The following GNAL variants were observed in gnomAD, a reference collection of about 807,000 sequenced individuals.
The protein encoded by GNAL is guanine nucleotide-binding protein G(olf) subunit alpha.
A neutral mutation model predicts 55.1 loss-of-function variants in GNAL; 18 were observed. The observed-to-expected ratio is 0.33, with a 90% CI of 0.23 to 0.48. The LOEUF (loss-of-function observed/expected upper bound fraction) is 0.48, where lower values mean the gene tolerates loss of function less well. GNAL is among the 20% of genes least tolerant of loss of function. The pLI, the probability that GNAL is intolerant of heterozygous loss-of-function variation, is 0.99. For missense variants in GNAL, 412 were observed against 614.1 expected, an observed-to-expected ratio of 0.67 and a Z score of 3.48; for synonymous variants, 253 against 237.0, an observed-to-expected ratio of 1.07 and a Z score of -0.62.
intron 1 of GNAL, among the ~76,000 whole-genome samples, chr18:11,722,322 A>G (rs577004819): frequency 6.6e-6 from 1 of 152,346 alleles, no homozygotes; most frequent in Admixed American, 6.5e-5. Flanking sequence ...GTGATGAGGC[A>G]TTCCATTTTA....
chr18:11,748,860 C>CA (rs1042623451), intron 1 of GNAL, among the ~76,000 whole-genome samples: 3 of 152,094 alleles, frequency 2.0e-5, no homozygotes, highest in Non-Finnish European at 4.4e-5. Flanking sequence ...CGCAGTAGCT[C>CA]AGGTCTATAA....
rs1157676602 is a variant in GNAL, at chr18:11,885,269, CTT to C, written c.*4137_*4138del. ...GCCCAGTGGTCATTAAGTGAAACAT[CTT>C]TTATCAACCTGCAAAAGCTGCAGCG... On this transcript the variant is annotated 3_prime_UTR_variant, in exon 12 of 12. Transcript: ENST00000334049. The C allele has an allele frequency of 1.1e-5, 3 of 271,992 alleles. No homozygotes were observed. The East Asian group carries it at 3.5e-4, about 32-fold the overall frequency. The allele number at this position is 271,992 out of a possible 1,614,324, so 16.8% of individuals were successfully genotyped here.
At chr18:11,822,717 G>C (rs1195195029) in intron 4 of GNAL, among the ~76,000 whole-genome samples, 1 of 152,178 alleles carries the variant, frequency 6.6e-6, no homozygotes, top group East Asian at 1.9e-4. Context: ...TCACTTCCAT[G>C]GCTGGTTGGG....
intron 1 of GNAL, among the ~76,000 whole-genome samples, chr18:11,716,234 C>T (rs771715499): frequency 2.2e-4 from 34 of 152,184 alleles, no homozygotes; most frequent in Non-Finnish European, 4.1e-4. Flanking sequence ...AATGAAGCCG[C>T]GGACCCTCGC....
At chr18:11,831,888 C>T (rs1375468298) in intron 5 of GNAL, among the ~76,000 whole-genome samples, 3 of 152,202 alleles carry the variant, frequency 2.0e-5, no homozygotes, top group Non-Finnish European at 4.4e-5. Flanking sequence ...TGAGCAGCTG[C>T]AGGACTGATG....
chr18:11,741,957 C>G (rs2143480582), intron 1 of GNAL, among the ~76,000 whole-genome samples: 1 of 152,248 alleles, frequency 6.6e-6, no homozygotes, highest in African/African-American at 2.4e-5. Flanking sequence ...CAATCTTCAC[C>G]ACCATCCATC....
At chr18:11,837,888 C>T (rs1365139037) in intron 5 of GNAL, among the ~76,000 whole-genome samples, 2 of 152,176 alleles carry the variant, frequency 1.3e-5, no homozygotes, top group Non-Finnish European at 2.9e-5. Context: ...CACCTGTAAT[C>T]CCAGCACTTT....
chr18:11,818,066 T>TAA (rs376490831), intron 4 of GNAL, among the ~76,000 whole-genome samples: 28 of 134,078 alleles, frequency 2.1e-4, no homozygotes, highest in African/African-American at 5.9e-4. Context: ...TACTAAAAAT[T>TAA]AAAAAAAAAA....
intron 4 of GNAL, among the ~76,000 whole-genome samples, chr18:11,815,129 T>C (rs958743721): frequency 6.6e-6 from 1 of 152,178 alleles, no homozygotes; most frequent in East Asian, 1.9e-4. Flanking sequence ...ACTTGGAATA[T>C]TATCACCCCA....
intron 4 of GNAL, among the ~76,000 whole-genome samples, chr18:11,805,737 T>C (rs1252981584): frequency 6.6e-6 from 1 of 152,240 alleles, no homozygotes; most frequent in African/African-American, 2.4e-5. Flanking sequence ...ATATACCACA[T>C]CCAGTCATCC....
intron 5 of GNAL, chr18:11,851,328 G>C: frequency 2.8e-6 from 2 of 705,644 alleles, no homozygotes; most frequent in Admixed American, 7.3e-5. Flanking sequence ...CCACCCCGGC[G>C]CCTTCCGTCC....
chr18:11,776,919 G>A (rs1227974006), intron 4 of GNAL, among the ~76,000 whole-genome samples: 3 of 152,010 alleles, frequency 2.0e-5, no homozygotes, highest in Non-Finnish European at 4.4e-5. Context: ...TGCTTTCCAA[G>A]AGGTCATCCC....
At chr18:11,813,255 A>AAAAAAAAG (rs922971723) in intron 4 of GNAL, among the ~76,000 whole-genome samples, 4 of 320 alleles carry the variant, frequency 0.013, no homozygotes, top group Non-Finnish European at 0.018. Context: ...ACTCCATCTT[A>AAAAAAAAG]AAAAAAAGAA....
Position 11,752,263 on chromosome 18 carries a change from G to T in GNAL, c.377-590G>T. The T allele has an allele frequency of 4.4e-6, 6 of 1,366,900 alleles. No homozygotes were observed. Among genetic ancestry groups the T allele is most frequent in the Non-Finnish European group, 5.7e-6 (6 of 1,053,268 alleles). 84.7% of individuals were successfully genotyped at this position (1,366,900 alleles called of 1,614,324 possible). A position where few individuals can be genotyped will look rare whatever the true frequency, so the allele number is the denominator to read the frequency against. On this transcript the variant is annotated intron_variant, in intron 1 of 11. Transcript: ENST00000334049. This position sits in a 1 kb window ranked among gnomAD's most constrained non-coding sequence, Gnocchi z 4.5. ...TTAGTTGGGAGTTTGCGGTGGGCAG[G>T]GGGAGGGAGAAGAAACGCCTGCTCT...
intron 4 of GNAL, among the ~76,000 whole-genome samples, chr18:11,759,067 G>A (rs914552364): frequency 3.9e-5 from 6 of 152,094 alleles, no homozygotes; most frequent in Non-Finnish European, 5.9e-5. Flanking sequence ...CAGCTACTAG[G>A]GAGGCTGAGG....
intron 5 of GNAL, among the ~76,000 whole-genome samples, chr18:11,847,435 T>G (rs1038758686): frequency 3.3e-5 from 5 of 151,536 alleles, no homozygotes; most frequent in African/African-American, 1.2e-4. Context: ...ACTTAGCAAA[T>G]GATTCTTTTC....
At chr18:11,724,952 T>C (rs2032180068) in intron 1 of GNAL, among the ~76,000 whole-genome samples, 1 of 152,186 alleles carries the variant, frequency 6.6e-6, no homozygotes, top group Non-Finnish European at 1.5e-5. Context: ...AAACAGCATC[T>C]CCATCTGCCT....
In GNAL at chr18:11,764,295, C is replaced by T. The variant is rs930603416; in HGVS notation, c.624+10350C>T. Among the ~76,000 whole-genome samples the T allele has an allele frequency of 5.3e-5, 8 of 151,816 alleles. No individual in the cohort carries two copies. In the South Asian group the frequency reaches 1.0e-3, roughly 20 times the overall value. On this transcript the variant is annotated intron_variant, in intron 4 of 11. Coordinates refer to ENST00000334049, the MANE Select transcript of GNAL (RefSeq NM_182978.4). ...AATTTTTTTGTATTTTTAGTAGAGA[C>T]GGGGTTTCACTATGTTGGCCAGGCT...
At position 11,752,882 on chromosome 18, in the gene GNAL, G is replaced by A; in HGVS notation, c.406G>A (p.Val136Ile). The A allele has an allele frequency of 6.2e-7, 1 of 1,610,388 alleles. No individual in the cohort carries two copies. Among genetic ancestry groups the A allele is most frequent in the Non-Finnish European group, 8.5e-7 (1 of 1,176,660 alleles). The change falls in exon 2 of 12, where the codon GTC becomes ATC. Residue 136 changes from valine (V) to isoleucine (I), a missense_variant. By Grantham distance (29) the Val-to-Ile change is conservative (BLOSUM62 3). Coordinates refer to ENST00000334049, the MANE Select transcript of GNAL (RefSeq NM_182978.4). The surrounding 1 kb of genome is among the most constrained non-coding windows in gnomAD (Gnocchi z 4.5). Reference sequence around the variant, plus strand: ...TGGTGAGTCTGGGAAAAGCACTATCGTCAAACAGATGAGGATCCTGCACGT... The same window carrying A: ...TGGTGAGTCTGGGAAAAGCACTATCATCAAACAGATGAGGATCCTGCACGT... ...GAGESGKSTI[V>I]KQMRILHVNG...
Sources: gnomAD v4.1 joint callset for allele counts (sites outside exome capture counted in the v4.1 genomes callset) on GRCh38, gnomAD v4.1.1 for gene constraint, Gnocchi (gnomAD v3.1) non-coding constraint, MANE v1.5 for transcripts, NCBI Gene and HGNC (gene_info 2026-07-23, HGNC 2026-07-21) for gene names.